Variants in INSR observed in about 807,000 individuals in gnomAD.
INSR encodes insulin receptor.
INSR carries 67 observed loss-of-function variants against 142.6 expected under a neutral mutation model. That is an observed-to-expected ratio of 0.47 (90% CI 0.39 to 0.58). The LOEUF (loss-of-function observed/expected upper bound fraction) is 0.58, where lower values mean the gene tolerates loss of function less well. Among genes scored for constraint, INSR ranks in the 20% least tolerant of loss-of-function variants. The pLI is 0.00. For synonymous variants in INSR, 756 were observed against 743.1 expected, an observed-to-expected ratio of 1.02 and a Z score of -0.28; for missense variants, 1,248 against 1,833.2, an observed-to-expected ratio of 0.68 and a Z score of 5.83.
At chr19:7,220,179 G>C (rs1975569683) in intron 2 of INSR, among the ~76,000 whole-genome samples, 1 of 152,202 alleles carries the variant, frequency 6.6e-6, no homozygotes, top group Admixed American at 6.5e-5. Flanking sequence ...GCAAAATCTG[G>C]TTCTATCTCC....
Position 7,170,589 on chromosome 19 carries a change from C to G in INSR, c.1431G>C (p.Gly477=). ...HKMEEVSGTK[G]RQERNDIALK... is the part of the protein sequence containing the mutation. ...GGGCAATGTCGTTTCTCTCCTGGCGCCCCTTGGTTCCTGAAACTTCTTCCA... is the reference window on the plus strand; with the variant it reads ...GGGCAATGTCGTTTCTCTCCTGGCGGCCCTTGGTTCCTGAAACTTCTTCCA... The change falls in exon 6 of 22, where the codon GGG becomes GGC. Residue 477 remains glycine (G), a synonymous_variant. Transcript: ENST00000302850. The G allele has an allele frequency of 6.2e-7, 1 of 1,613,658 alleles. No homozygotes were observed.
chr19:7,280,693 G>A (rs934171753), intron 1 of INSR, among the ~76,000 whole-genome samples: 12 of 151,508 alleles, frequency 7.9e-5, no homozygotes, highest in African/African-American at 2.7e-4. Context: ...CTCCAGCCTG[G>A]GCAACAAGAG....
chr19:7,126,446 G>A, intron 16 of INSR, 138 bp downstream of exon 16: 1 of 788,326 alleles, frequency 1.3e-6, no homozygotes, highest in Non-Finnish European at 2.2e-6. Context: ...AGCAAGGGCA[G>A]TTTGGCAAGC....
chr19:7,125,599 C>A lies in INSR; in HGVS notation c.3014-72G>T. 2 of 1,594,080 alleles carry A rather than the reference C, an allele frequency of 1.3e-6. No homozygotes were observed. The highest frequency in any genetic ancestry group is 2.2e-5 in the South Asian group (2 of 90,418). Reference sequence around the variant, plus strand: ...GTCTGCAGCCACCTTCCACCCAAGCCCTCACCCAAACCCCCTCGAAAACAC... The same window carrying A: ...GTCTGCAGCCACCTTCCACCCAAGCACTCACCCAAACCCCCTCGAAAACAC... On this transcript the variant is annotated intron_variant, in intron 16 of 21. Transcript: ENST00000302850. The surrounding 1 kb of genome is among the most constrained non-coding windows in gnomAD (Gnocchi z 4.9).
At chr19:7,229,917 C>CAT (rs1458876632) in intron 2 of INSR, among the ~76,000 whole-genome samples, 1 of 152,032 alleles carries the variant, frequency 6.6e-6, no homozygotes, top group Non-Finnish European at 1.5e-5. Context: ...AAGTCAGTGC[C>CAT]ACCATGCTCA....
At chr19:7,205,172 G>C (rs1254454954) in intron 2 of INSR, among the ~76,000 whole-genome samples, 2 of 152,210 alleles carry the variant, frequency 1.3e-5, no homozygotes, top group East Asian at 3.8e-4. Flanking sequence ...CTCCTACGGA[G>C]TGTCCGGCAC....
chr19:7,174,609 C>T lies in INSR; in HGVS notation c.1097G>A (p.Ser366Asn), dbSNP rs1429401646. The part of the protein sequence containing the change: ...ELRGCTVING[S>N]LIINIRGGNN... ...GCCTCCTCGAATGTTGATGATCAGA[C>T]TCCCGTTGATGACGGTGCATCCTCG... The change falls in exon 4 of 22, where the codon AGT (serine) becomes AAT (asparagine). Residue 366 changes from serine to asparagine, a missense_variant. Physicochemically the swap from Ser to Asn is conservative, Grantham distance 46. Transcript: ENST00000302850. 6.2e-7 allele frequency: 1 copy of T among 1,614,082 alleles called. No individual in the cohort carries two copies. The highest frequency in any genetic ancestry group is 1.7e-5 in the Admixed American group (1 of 59,992).
In INSR at chr19:7,224,015, G is replaced by A. The variant is rs1221260526; in HGVS notation, c.653-39378C>T. On this transcript the variant is annotated intron_variant, in intron 2 of 21. Transcript: ENST00000302850. ...GGCTGGAGTGCAGTGGCATGATCTC[G>A]GCTCACTGCAACCTCTCCCTCTTGG... 7.3e-5 allele frequency among the ~76,000 whole-genome samples: 11 copies of A among 151,438 alleles called. No homozygotes were observed. The East Asian group carries it at 1.8e-3, about 24-fold the overall frequency.
intron 2 of INSR, among the ~76,000 whole-genome samples, chr19:7,211,271 T>A (rs531257670): frequency 1.1e-4 from 17 of 152,298 alleles, no homozygotes; most frequent in African/African-American, 3.8e-4. Context: ...CTTTCTGTAT[T>A]GCCCAGGCTG....
intron 2 of INSR, among the ~76,000 whole-genome samples, chr19:7,257,069 A>G (rs1172786230): frequency 6.6e-6 from 1 of 151,472 alleles, no homozygotes; most frequent in Non-Finnish European, 1.5e-5. Context: ...CAGTCTCCCA[A>G]GCAGCTGGGA....
chr19:7,120,560 C>T, intron 20 of INSR, 60 bp downstream of exon 20: 2 of 1,608,272 alleles, frequency 1.2e-6, no homozygotes, highest in Non-Finnish European at 1.7e-6. Flanking sequence ...CCGCTCTTGG[C>T]TCTCACTAGC....
At chr19:7,149,247 C>T (rs1399131287) in intron 11 of INSR, among the ~76,000 whole-genome samples, 6 of 152,108 alleles carry the variant, frequency 3.9e-5, no homozygotes, top group Admixed American at 3.9e-4. Context: ...TGGACCAAGC[C>T]CGTACATTTT....
chr19:7,280,663 G>C (rs1968182135), intron 1 of INSR, among the ~76,000 whole-genome samples: 1 of 151,854 alleles, frequency 6.6e-6, no homozygotes, highest in Non-Finnish European at 1.5e-5. Flanking sequence ...GTTGTGATGA[G>C]CCGATATCAT....
intron 2 of INSR, among the ~76,000 whole-genome samples, chr19:7,264,323 ACT>A (rs759715404): frequency 1.3e-5 from 2 of 152,070 alleles, no homozygotes; most frequent in Non-Finnish European, 2.9e-5. Flanking sequence ...ACAGAACGAG[ACT>A]CTGTCTCAAA....
chr19:7,255,275 A>G (rs1199054280), intron 2 of INSR, among the ~76,000 whole-genome samples: 1 of 152,012 alleles, frequency 6.6e-6, no homozygotes, highest in East Asian at 1.9e-4. Flanking sequence ...ACGCAACAAA[A>G]AGCCTGGCTC....
chr19:7,172,737 A>C (rs142632766), intron 4 of INSR, among the ~76,000 whole-genome samples: 194 of 152,154 alleles, frequency 1.3e-3, no homozygotes, highest in African/African-American at 4.3e-3. Flanking sequence ...ACTTCTCTAA[A>C]ATAGCAACCC....
At chr19:7,266,587 G>T (rs961135240) in intron 2 of INSR, among the ~76,000 whole-genome samples, 7 of 152,024 alleles carry the variant, frequency 4.6e-5, no homozygotes, top group African/African-American at 1.7e-4. Context: ...GTTTCACCGT[G>T]TTGGTCAGGT....
intron 2 of INSR, among the ~76,000 whole-genome samples, chr19:7,203,145 T>A (rs1209495450): frequency 6.6e-6 from 1 of 152,192 alleles, no homozygotes; most frequent in African/African-American, 2.4e-5. Flanking sequence ...AACTTTTTGT[T>A]ACCTGAGTCT....
Position 7,184,661 on chromosome 19 carries a change from G to GAGAGAGAGA in INSR, c.653-25_653-24insTCTCTCTCT, listed in dbSNP as rs199750451. On this transcript the variant is annotated intron_variant, in intron 2 of 21. Transcript: ENST00000302850. ...AACTGGAGAGAGAGAGAGAGAGAGA[G>GAGAGAGAGA]GGAAATAAATAAATAAATAAATAAA... The GAGAGAGAGA allele has an allele frequency of 1.5e-5, 20 of 1,294,384 alleles. No homozygotes were observed. The East Asian group carries it at 2.1e-4, about 13-fold the overall frequency. 80.2% of individuals were successfully genotyped at this position (1,294,384 alleles called of 1,614,324 possible).
Sources: allele counts gnomAD v4.1 joint callset (sites outside exome capture counted in the v4.1 genomes callset), GRCh38; gene constraint gnomAD v4.1.1; non-coding constraint Gnocchi (gnomAD v3.1); transcripts MANE v1.5; gene names NCBI Gene and HGNC (gene_info 2026-07-23, HGNC 2026-07-21).